RRM1: variants seen among roughly 807,000 people sequenced by gnomAD.
RRM1 encodes the protein ribonucleotide reductase catalytic subunit M1.
In RRM1, 19 loss-of-function variants were observed where a neutral mutation model predicts 101.5. The ratio of observed to expected loss-of-function variants is 0.19; its 90% CI spans 0.13 to 0.27. RRM1 has a LOEUF of 0.27. Among genes scored for constraint, RRM1 ranks in the 10% least tolerant of loss-of-function variants. The pLI, the probability that RRM1 is intolerant of heterozygous loss-of-function variation, is 1.00. For synonymous variants in RRM1, 298 were observed against 323.4 expected, an observed-to-expected ratio of 0.92 and a Z score of 0.84; for missense variants, 500 against 962.9, an observed-to-expected ratio of 0.52 and a Z score of 6.36.
In RRM1 at chr11:4,122,132, C is replaced by T. The variant is rs908032118; in HGVS notation, c.1039-9C>T. 2 of 1,606,760 alleles carry T rather than the reference C, an allele frequency of 1.2e-6. No homozygotes were observed. Among genetic ancestry groups the T allele is most frequent in the East Asian group, 2.2e-5 (1 of 44,686 alleles). On this transcript the variant is annotated splice_polypyrimidine_tract_variant and intron_variant, in intron 10 of 18. Transcript: ENST00000300738. Reference sequence around the variant, plus strand: ...TTTCTTATGAGTGATTTTGTCCTTTCCTTTTTAGGACTGGTCTTTGATGTG... The same window carrying T: ...TTTCTTATGAGTGATTTTGTCCTTTTCTTTTTAGGACTGGTCTTTGATGTG...
At chr11:4,116,523 C>T (rs1418956358) in intron 7 of RRM1, among the ~76,000 whole-genome samples, 3 of 151,772 alleles carry the variant, frequency 2.0e-5, no homozygotes, top group African/African-American at 4.8e-5. Context: ...ACCTGGGAGA[C>T]GGAGCTTGCA....
intron 18 of RRM1, among the ~76,000 whole-genome samples, chr11:4,136,691 G>T (rs1017431001): frequency 5.3e-5 from 8 of 152,138 alleles, no homozygotes; most frequent in Non-Finnish European, 1.0e-4. Context: ...CCCTCTTGGG[G>T]GATTACAGGC....
chr11:4,107,509 T>C lies in RRM1; in HGVS notation c.361T>C (p.Leu121=), dbSNP rs2228121. The C allele has an allele frequency of 2.6e-3, 4,121 of 1,613,050 alleles. 46 individuals carry two copies. In the African/African-American group the frequency reaches 0.033, roughly 13 times the overall value. Residue 121 remains leucine, a synonymous_variant, in exon 4 of 19, where the codon TTG becomes CTG. Coordinates refer to ENST00000300738, the MANE Select transcript of RRM1 (RefSeq NM_001033.5). ...CTCTCCCATGGTGGCCAAGTCAACA[T>C]TGGATATTGTTCTGGCCAATAAAGA... ...KHSPMVAKST[L]DIVLANKDRL... is the part of the protein sequence containing the mutation.
At chr11:4,121,407 G>A (rs1040225081) in intron 9 of RRM1, among the ~76,000 whole-genome samples, 197 bp from the exon 10 acceptor site, 7 of 151,912 alleles carry the variant, frequency 4.6e-5, no homozygotes, top group African/African-American at 7.3e-5. Flanking sequence ...TCATTCGTTC[G>A]TTTTTACTCA....
At chr11:4,126,446 C>G (rs2094589645) in intron 12 of RRM1, among the ~76,000 whole-genome samples, 1 of 151,964 alleles carries the variant, frequency 6.6e-6, no homozygotes, top group African/African-American at 2.4e-5. Context: ...ACATAGGGTT[C>G]TCTCTCTCTC....
At chr11:4,109,595 ATAAG>A in intron 4 of RRM1, 45 bp from the exon 5 acceptor site, 1 of 1,487,050 alleles carries the variant, frequency 6.7e-7, no homozygotes, top group Non-Finnish European at 9.2e-7. Context: ...TTTTGTGAAA[ATAAG>A]TAATTATTTT....
intron 4 of RRM1, 48 bp from the exon 5 acceptor site, chr11:4,109,596 T>G (rs1400260557): frequency 6.0e-6 from 9 of 1,488,540 alleles, no homozygotes; most frequent in Non-Finnish European, 6.5e-6. Context: ...TTTGTGAAAA[T>G]AAGTAATTAT....
chr11:4,124,831 TTTTTCTTTTC>T (rs147896717), intron 12 of RRM1, among the ~76,000 whole-genome samples: 13 of 150,004 alleles, frequency 8.7e-5, no homozygotes, highest in African/African-American at 2.0e-4. Flanking sequence ...TTCAGTGTTT[TTTTTCTTTTC>T]TTTTCTTTTC....
chr11:4,130,761 T>C (rs1342583123), intron 15 of RRM1, among the ~76,000 whole-genome samples: 2 of 152,220 alleles, frequency 1.3e-5, no homozygotes, highest in Non-Finnish European at 2.9e-5. Flanking sequence ...TCTCTTTTAG[T>C]ACCTGTAGGT....
In RRM1 at chr11:4,118,302, A is replaced by G. The variant is rs1379750952; in HGVS notation, c.651-18A>G. 6 of 1,605,730 alleles carry G rather than the reference A, an allele frequency of 3.7e-6. No individual in the cohort carries two copies. The highest frequency in any genetic ancestry group is 5.1e-6 in the Non-Finnish European group (6 of 1,174,990). On this transcript the variant is annotated intron_variant, in intron 7 of 18. Coordinates refer to ENST00000300738, the MANE Select transcript of RRM1 (RefSeq NM_001033.5). ...CTTCATTTCCTTGCTCTAAGTTGAG[A>G]CATTTTTTCCCCCGTAGCTGTTTTC... is the stretch of plus-strand genomic sequence containing the variant.
chr11:4,121,838 C>A, intron 10 of RRM1, 73 bp downstream of exon 10: 1 of 1,425,232 alleles, frequency 7.0e-7, no homozygotes, highest in South Asian at 1.4e-5. Flanking sequence ...CATCTTAAGT[C>A]ATGCTTAGGA....
chr11:4,133,493 C>T, intron 16 of RRM1, 70 bp from the exon 17 acceptor site: 2 of 930,662 alleles, frequency 2.1e-6, no homozygotes, highest in Non-Finnish European at 3.4e-6. Context: ...GTTTAAGCTT[C>T]AAAGCTGTAG....
Position 4,138,598 on chromosome 11 carries a change from G to GAA in RRM1, c.*224_*225dup. ...ACCAAAATAATGCTTTTGAAAAAAA[G>GAA]AAAAAAAAAACGGATATATTGAGAA... On this transcript the variant is annotated 3_prime_UTR_variant, in exon 19 of 19. Transcript: ENST00000300738. The GAA allele has an allele frequency of 8.7e-5, 26 of 300,544 alleles. No homozygotes were observed. Among genetic ancestry groups the GAA allele is most frequent in the South Asian group, 3.2e-4 (2 of 6,308 alleles). 18.6% of individuals were successfully genotyped at this position (300,544 alleles called of 1,614,324 possible). A position where few individuals can be genotyped will look rare whatever the true frequency, so the allele number is the denominator to read the frequency against.
chr11:4,136,173 A>T (rs1267911014), intron 18 of RRM1, among the ~76,000 whole-genome samples: 1 of 151,944 alleles, frequency 6.6e-6, no homozygotes, highest in Non-Finnish European at 1.5e-5. Context: ...TAGAATTCCA[A>T]GTTTAAAAAA....
chr11:4,102,313 A>G (rs2094552675), intron 2 of RRM1, among the ~76,000 whole-genome samples: 1 of 152,198 alleles, frequency 6.6e-6, no homozygotes, highest in African/African-American at 2.4e-5. Context: ...AAAATTTGAT[A>G]TTAACATTTA....
chr11:4,101,644 T>G (rs946252662), intron 1 of RRM1, among the ~76,000 whole-genome samples: 2 of 148,872 alleles, frequency 1.3e-5, no homozygotes, highest in Non-Finnish European at 3.0e-5. Flanking sequence ...TTATAACAAT[T>G]TTGACTTTTA....
chr11:4,099,845 T>C (rs548062814), intron 1 of RRM1, among the ~76,000 whole-genome samples: 3 of 151,716 alleles, frequency 2.0e-5, no homozygotes, highest in East Asian at 3.9e-4. Flanking sequence ...CAAGTGTGAG[T>C]TAAGATAATT....
rs1333081214 is a variant in RRM1 at position 4,138,687 on chromosome 11, G to A, written c.*304G>A. Reference sequence around the variant, plus strand: ...TGCATACAGGGAGTGGTTAAGTAAGGTTTCATCACCCCTTTAGCACTGCTT... The same window carrying A: ...TGCATACAGGGAGTGGTTAAGTAAGATTTCATCACCCCTTTAGCACTGCTT... On this transcript the variant is annotated 3_prime_UTR_variant, in exon 19 of 19. Transcript: ENST00000300738. The A allele has an allele frequency of 2.0e-5, 5 of 252,700 alleles. No homozygotes were observed. Among genetic ancestry groups the A allele is most frequent in the African/African-American group, 8.7e-5 (4 of 45,918 alleles). 15.7% of individuals were successfully genotyped at this position (252,700 alleles called of 1,614,324 possible).
intron 9 of RRM1, among the ~76,000 whole-genome samples, chr11:4,121,195 G>T (rs746702580): frequency 2.6e-5 from 4 of 152,154 alleles, no homozygotes; most frequent in Non-Finnish European, 4.4e-5. Flanking sequence ...CTCTCTGATG[G>T]ACTTTGGGGA....
Sources: allele counts gnomAD v4.1 joint callset (sites outside exome capture counted in the v4.1 genomes callset), GRCh38; gene constraint gnomAD v4.1.1; transcripts MANE v1.5; gene names NCBI Gene and HGNC (gene_info 2026-07-23, HGNC 2026-07-21).